The following OR11H4 variants were observed in gnomAD, a reference collection of about 807,000 sequenced individuals.
OR11H4 encodes the protein olfactory receptor 11H4.
For synonymous variants in OR11H4, 162 were observed against 142.3 expected, an observed-to-expected ratio of 1.14 and a Z score of -0.98; for missense variants, 460 against 371.1, an observed-to-expected ratio of 1.24 and a Z score of -1.97.
Position 20,243,604 on chromosome 14 carries a change from TC to T in OR11H4, c.785del (p.Pro262LeufsTer19). Reference protein sequence around the residue: ...YGTVMVMYVSPTYGIPTLLQK... With the variant: ...YGTVMVMYVSXTYGIPTLLQK... ...GGACAGTCATGGTAATGTATGTAAG[TC>T]CTACATATGGGATCCCAACTTTATT... On this transcript the variant is annotated frameshift_variant, in exon 2 of 2. Transcript: ENST00000641082. LOFTEE classifies it low-confidence loss of function (END_TRUNC). The T allele has an allele frequency of 6.2e-7, 1 of 1,613,348 alleles. No individual in the cohort carries two copies. Among genetic ancestry groups the T allele is most frequent in the Non-Finnish European group, 8.5e-7 (1 of 1,179,312 alleles).
Position 20,242,905 on chromosome 14 carries a change from C to T in OR11H4, c.84C>T (p.Phe28=). ...GCTGGAAGATTCAGATTTTCCTCTT[C>T]TCATTGTTTTTGGTGATTTATGTCT... ...PGCWKIQIFL[F]SLFLVIYVLT... Residue 28 remains phenylalanine, a synonymous_variant, in exon 2 of 2, where the codon TTC becomes TTT. Coordinates refer to ENST00000641082, the MANE Select transcript of OR11H4 (RefSeq NM_001004479.2). 1 of 1,614,160 alleles carries T rather than the reference C, an allele frequency of 6.2e-7. No individual in the cohort carries two copies.
rs11625681 is a variant in OR11H4 at position 20,242,178 on chromosome 14, C to G, written c.-11-633C>G. ...GGACGGTCAGGTCTTTCTCATCCCA[C>G]GAGGCCATATTTCAGACTATCACAT... On this transcript the variant is annotated intron_variant, in intron 1 of 1. Coordinates refer to ENST00000641082, the MANE Select transcript of OR11H4 (RefSeq NM_001004479.2). Among the ~76,000 whole-genome samples, 347 of 151,878 alleles carry G rather than the reference C, an allele frequency of 2.3e-3. 1 individual carries two copies. The Middle Eastern group carries it at 0.024, about 10-fold the overall frequency.
intron 1 of OR11H4, among the ~76,000 whole-genome samples, chr14:20,241,761 C>CA (rs530950155): frequency 1.3e-5 from 2 of 151,936 alleles, no homozygotes; most frequent in African/African-American, 4.8e-5. Flanking sequence ...ATTATTTCAG[C>CA]AAAAAGGAAT....
chr14:20,241,894 T>C (rs1451529526), intron 1 of OR11H4, among the ~76,000 whole-genome samples: 1 of 152,068 alleles, frequency 6.6e-6, no homozygotes, highest in Non-Finnish European at 1.5e-5. Flanking sequence ...AGGCCAGATA[T>C]ATAGTTCTCT....
intron 1 of OR11H4, among the ~76,000 whole-genome samples, chr14:20,241,881 C>T (rs1299560649): frequency 3.3e-5 from 5 of 151,992 alleles, no homozygotes; most frequent in South Asian, 2.1e-4. Flanking sequence ...TGGATGTGCA[C>T]GTAGGCCAGA....
chr14:20,243,919 C>T lies in OR11H4; in HGVS notation c.*153C>T. On this transcript the variant is annotated 3_prime_UTR_variant, in exon 2 of 2. Transcript: ENST00000641082. ...AGCTTAAATATGTTTCCAGCACTGA[C>T]TCTTTAAACCTTAATTAACTGGTCT... 4 of 626,600 alleles carry T rather than the reference C, an allele frequency of 6.4e-6. No individual in the cohort carries two copies. The highest frequency in any genetic ancestry group is 9.9e-6 in the Non-Finnish European group (4 of 402,154). The allele number at this position is 626,600 out of a possible 1,614,324, so 38.8% of individuals were successfully genotyped here.
At position 20,242,048 on chromosome 14, in the gene OR11H4, CA is replaced by C. The variant is rs1880940699; in HGVS notation, c.-11-762del. On this transcript the variant is annotated intron_variant, in intron 1 of 1. Transcript: ENST00000641082. Reference sequence around the variant, plus strand: ...GTTTTATACCTAGACATTCAGTTCCCAGGGGCAAGCAGGAGACAGTGGCCTT... The same window carrying C: ...GTTTTATACCTAGACATTCAGTTCCCGGGGCAAGCAGGAGACAGTGGCCTT... 2.0e-5 allele frequency among the ~76,000 whole-genome samples: 3 copies of C among 151,876 alleles called. No homozygotes were observed. The South Asian group carries it at 6.2e-4, about 32-fold the overall frequency.
At position 20,243,281 on chromosome 14, in the gene OR11H4, C is replaced by A; in HGVS notation, c.460C>A (p.Leu154Ile). The part of the protein sequence containing the change: ...LVSFCWLIGF[L>I]GYPIPIFYIS... ...GTCTTTCTGTTGGCTTATTGGATTCCTTGGATACCCAATTCCCATTTTCTA... is the reference window on the plus strand; with the variant it reads ...GTCTTTCTGTTGGCTTATTGGATTCATTGGATACCCAATTCCCATTTTCTA... Residue 154 changes from leucine (L) to isoleucine (I), a missense_variant, in exon 2 of 2, where the codon CTT becomes ATT. By Grantham distance (5) the Leu-to-Ile change is conservative. Transcript: ENST00000641082. 6.2e-7 allele frequency: 1 copy of A among 1,614,112 alleles called. No homozygotes were observed. The highest frequency in any genetic ancestry group is 2.2e-5 in the East Asian group (1 of 44,878).
chr14:20,242,934 C>T lies in OR11H4; in HGVS notation c.113C>T (p.Thr38Ile), dbSNP rs779897740. Residue 38 changes from threonine (T) to isoleucine (I), a missense_variant, in exon 2 of 2, where the codon ACC (threonine) becomes ATC (isoleucine). Transcript: ENST00000641082. ...TTGTTTTTGGTGATTTATGTCTTGA[C>T]CTTGCTGGGAAATGGAGCCATCATC... ...FSLFLVIYVL[T>I]LLGNGAIIYA... 4 of 1,614,106 alleles carry T rather than the reference C, an allele frequency of 2.5e-6. No individual in the cohort carries two copies. The highest frequency in any genetic ancestry group is 3.4e-6 in the Non-Finnish European group (4 of 1,180,004).
chr14:20,241,747 A>C lies in OR11H4; in HGVS notation c.-11-1064A>C, dbSNP rs12323797. On this transcript the variant is annotated intron_variant, in intron 1 of 1. Transcript: ENST00000641082. The stretch of plus-strand genomic sequence containing the variant: ...TCCCTCAGTTTTTATTGATTATTAT[A>C]TTCATTATTTCAGCAAAAAGGAATG... Among the ~76,000 whole-genome samples the C allele has an allele frequency of 8.6e-4, 131 of 152,066 alleles. 1 individual carries two copies. The highest frequency in any genetic ancestry group is 2.2e-3 in the Admixed American group (33 of 15,260).
In OR11H4 at chr14:20,243,106, T is replaced by C; in HGVS notation, c.285T>C (p.Ser95=). ...CCAAGACCAAGGCCATCTCATTTTCTGGGTGCTTCCTCCAGTTCTATTTCT... is the reference window on the plus strand; with the variant it reads ...CCAAGACCAAGGCCATCTCATTTTCCGGGTGCTTCCTCCAGTTCTATTTCT... ...ILSKTKAISF[S]GCFLQFYFFF... is the part of the protein sequence containing the mutation. The change falls in exon 2 of 2, where the codon TCT becomes TCC. Residue 95 remains serine, a synonymous_variant. Coordinates refer to ENST00000641082, the MANE Select transcript of OR11H4 (RefSeq NM_001004479.2). 1.2e-6 allele frequency: 2 copies of C among 1,614,208 alleles called. No individual in the cohort carries two copies. Among genetic ancestry groups the C allele is most frequent in the Non-Finnish European group, 1.7e-6 (2 of 1,180,030 alleles).
chr14:20,242,401 G>A lies in OR11H4; in HGVS notation c.-11-410G>A, dbSNP rs757844848. Among the ~76,000 whole-genome samples, 25 of 152,276 alleles carry A rather than the reference G, an allele frequency of 1.6e-4. No homozygotes were observed. In the Middle Eastern group the frequency reaches 0.01, roughly 62 times the overall value. On this transcript the variant is annotated intron_variant, in intron 1 of 1. Transcript: ENST00000641082. ...TAAACCTGGATTTTATACAACACAC[G>A]TTTTTGTGAGCTCCAGGTTGGGTCA...
intron 1 of OR11H4, among the ~76,000 whole-genome samples, chr14:20,239,981 A>G (rs555323193): frequency 6.6e-6 from 1 of 152,240 alleles, no homozygotes; most frequent in African/African-American, 2.4e-5. Context: ...ACTTATCTAC[A>G]CTTCTCCAAA....
intron 1 of OR11H4, among the ~76,000 whole-genome samples, chr14:20,241,869 C>A (rs184577694): frequency 2.5e-3 from 384 of 152,124 alleles, no homozygotes; most frequent in African/African-American, 4.4e-3. Context: ...AGGTACTATG[C>A]CTGGATGTGC....
intron 1 of OR11H4, among the ~76,000 whole-genome samples, chr14:20,241,732 T>C (rs1880925154): frequency 6.6e-6 from 1 of 152,122 alleles, no homozygotes; most frequent in Non-Finnish European, 1.5e-5. Flanking sequence ...TCCCTCAGTT[T>C]TTATTGATTA....
chr14:20,241,834 C>A, intron 1 of OR11H4, among the ~76,000 whole-genome samples: 1 of 151,746 alleles, frequency 6.6e-6, no homozygotes, highest in East Asian at 1.9e-4. Context: ...GCAGAAGAAT[C>A]TATGTCATAA....
chr14:20,240,460 GTTCT>G (rs1880890104), intron 1 of OR11H4, among the ~76,000 whole-genome samples: 1 of 151,934 alleles, frequency 6.6e-6, no homozygotes, highest in African/African-American at 2.4e-5. Flanking sequence ...CAACTTCTGT[GTTCT>G]TTGTTGCCTT....
At chr14:20,241,844 A>G (rs1234780500) in intron 1 of OR11H4, among the ~76,000 whole-genome samples, 1 of 152,120 alleles carries the variant, frequency 6.6e-6, no homozygotes, top group Non-Finnish European at 1.5e-5. Context: ...CTATGTCATA[A>G]TTAAGTTCAA....
rs542221960 is a variant in OR11H4 at position 20,243,521 on chromosome 14, C to T, written c.700C>T (p.Arg234Trp). The T allele has an allele frequency of 3.1e-5, 50 of 1,613,598 alleles. No individual in the cohort carries two copies. Among genetic ancestry groups the T allele is most frequent in the South Asian group, 7.7e-5 (7 of 90,956 alleles). The change falls in exon 2 of 2, where the codon CGG (arginine) becomes TGG (tryptophan). Residue 234 changes from arginine (R) to tryptophan (W), a missense_variant. Physicochemically the swap from Arg to Trp is moderately radical, Grantham distance 101. Coordinates refer to ENST00000641082, the MANE Select transcript of OR11H4 (RefSeq NM_001004479.2). ...TTTTCAGGTCCCTTCTGCAGCTGGT[C>T]GGAGAAAAGCCTTCTCTACCTGTGG... is the stretch of plus-strand genomic sequence containing the variant. ...AVFQVPSAAG[R>W]RKAFSTCGSH...
Sources: allele counts gnomAD v4.1 joint callset (sites outside exome capture counted in the v4.1 genomes callset), GRCh38; gene constraint gnomAD v4.1.1; transcripts MANE v1.5; gene names NCBI Gene and HGNC (gene_info 2026-07-23, HGNC 2026-07-21).